The following CCDC92B variants were observed in gnomAD, a reference collection of about 807,000 sequenced individuals.
The protein encoded by CCDC92B is coiled-coil domain-containing 92B.
A neutral mutation model predicts 5.6 loss-of-function variants in CCDC92B; 2 were observed. The observed-to-expected ratio is 0.36, with a 90% CI of 0.15 to 1.12. The LOEUF is 1.12. CCDC92B is among the 50% of genes most tolerant of loss of function. The pLI, the probability that CCDC92B is intolerant of heterozygous loss-of-function variation, is 0.40. For missense variants in CCDC92B, 271 were observed against 262.2 expected (o/e 1.03, Z -0.23); for synonymous variants, 115 against 122.3 (o/e 0.94, Z 0.39).
chr17:2,725,203 G>A lies in CCDC92B; in HGVS notation c.179-203C>T, dbSNP rs1301251796. Among the ~76,000 whole-genome samples, 5 of 151,776 alleles carry A rather than the reference G, an allele frequency of 3.3e-5. No individual in the cohort carries two copies. The South Asian group carries it at 6.3e-4, about 19-fold the overall frequency. On this transcript the variant is annotated intron_variant, in intron 3 of 3. Transcript: ENST00000614400. ...AGCCTGGCCAACATGGTGAAACCCA[G>A]TCTCTACTAAAAATACAAAAATTAG...
In CCDC92B at chr17:2,724,590, C is replaced by G. The variant is rs2070701833; in HGVS notation, c.589G>C (p.Gly197Arg). 1 of 982,046 alleles carries G rather than the reference C, an allele frequency of 1.0e-6. No individual in the cohort carries two copies. The highest frequency in any genetic ancestry group is 1.8e-5 in the African/African-American group (1 of 56,906). 60.8% of individuals were successfully genotyped at this position (982,046 alleles called of 1,614,324 possible). A position where few individuals can be genotyped will look rare whatever the true frequency, so the allele number is the denominator to read the frequency against. Residue 197 changes from glycine to arginine, a missense_variant, in exon 4 of 4, where the codon GGG becomes CGG. Transcript: ENST00000614400. The surrounding 1 kb of genome is among the most constrained non-coding windows in gnomAD (Gnocchi z 5.0). ...TCGGCGTCGTCGAGGGCGCCGGCCC[C>G]GCGGTCCCAGGCGGCCCAGTCCCGG... ...PGRDWAAWDR[G>R]AGALDDADPM...
chr17:2,728,468 T>C (rs1338983357), intron 3 of CCDC92B, among the ~76,000 whole-genome samples: 1 of 151,796 alleles, frequency 6.6e-6, no homozygotes, highest in Admixed American at 6.6e-5. Context: ...GAGCCGGGCG[T>C]GGTGGCGGGC....
intron 2 of CCDC92B, 98 bp downstream of exon 2, chr17:2,734,918 G>A: frequency 1.1e-6 from 1 of 898,110 alleles, no homozygotes; most frequent in Non-Finnish European, 1.3e-6. Flanking sequence ...TGCAGTGTGA[G>A]GCTCACGGGG....
intron 3 of CCDC92B, 98 bp from the exon 4 acceptor site, chr17:2,725,098 C>T (rs757678399): frequency 2.9e-5 from 29 of 985,600 alleles, no homozygotes; most frequent in Non-Finnish European, 3.5e-5. Flanking sequence ...CCAGGCCGGG[C>T]GCGGGGCCTC....
At chr17:2,737,094 C>T (rs1318562975) in intron 1 of CCDC92B, among the ~76,000 whole-genome samples, 2 of 151,942 alleles carry the variant, frequency 1.3e-5, no homozygotes, top group Non-Finnish European at 2.9e-5. Context: ...CCGCCCCCTT[C>T]CCCATGACTC....
intron 1 of CCDC92B, among the ~76,000 whole-genome samples, chr17:2,735,684 G>T (rs142373045): frequency 3.3e-5 from 5 of 152,278 alleles, no homozygotes; most frequent in Admixed American, 3.3e-4. Flanking sequence ...ATCCGCCTTG[G>T]CCTCCCAGAG....
rs1286965939 is a variant in CCDC92B at position 2,728,129 on chromosome 17, C to A, written c.178+2317G>T. 2.0e-5 allele frequency among the ~76,000 whole-genome samples: 3 copies of A among 149,518 alleles called. No individual in the cohort carries two copies. The Admixed American group carries it at 2.0e-4, about 10-fold the overall frequency. ...TTGCTTAAGCTCAGGAGTTCAAAACCAGCCTGGGTGACATGGCGAAACCCC... is the reference window on the plus strand; with the variant it reads ...TTGCTTAAGCTCAGGAGTTCAAAACAAGCCTGGGTGACATGGCGAAACCCC... On this transcript the variant is annotated intron_variant, in intron 3 of 3. Coordinates refer to ENST00000614400, the MANE Select transcript of CCDC92B (RefSeq NM_001355573.2).
chr17:2,727,526 T>C (rs1001373713), intron 3 of CCDC92B, among the ~76,000 whole-genome samples: 3 of 151,982 alleles, frequency 2.0e-5, no homozygotes, highest in Admixed American at 6.6e-5. Context: ...AATCACCAAG[T>C]GATAAGAGGA....
At chr17:2,735,785 A>C (rs1192261034) in intron 1 of CCDC92B, among the ~76,000 whole-genome samples, 1 of 152,118 alleles carries the variant, frequency 6.6e-6, no homozygotes. Context: ...TGGAGTGGCA[A>C]AGTCAGTAGA....
At chr17:2,736,618 C>T (rs1044120758) in intron 1 of CCDC92B, among the ~76,000 whole-genome samples, 4 of 151,608 alleles carry the variant, frequency 2.6e-5, no homozygotes, top group East Asian at 1.9e-4. Context: ...CGGTGGTTCA[C>T]GCCTGTAATC....
intron 3 of CCDC92B, among the ~76,000 whole-genome samples, chr17:2,726,537 G>C (rs2070733141): frequency 1.3e-5 from 2 of 151,310 alleles, no homozygotes; most frequent in Admixed American, 1.3e-4. Flanking sequence ...GAATGGTCTT[G>C]AACTCCTGAC....
intron 1 of CCDC92B, among the ~76,000 whole-genome samples, chr17:2,749,085 G>C (rs1035196554): frequency 2.0e-5 from 3 of 152,348 alleles, no homozygotes; most frequent in South Asian, 4.1e-4. Flanking sequence ...GGGTTGGGGG[G>C]GGGATGTGGA....
intron 1 of CCDC92B, among the ~76,000 whole-genome samples, chr17:2,738,669 G>C (rs1021226610): frequency 6.6e-6 from 1 of 151,482 alleles, no homozygotes; most frequent in Non-Finnish European, 1.5e-5. Context: ...GCCGAGGCAG[G>C]AGAATGGCTG....
At chr17:2,741,338 G>A (rs1027444158) in intron 1 of CCDC92B, among the ~76,000 whole-genome samples, 1 of 152,052 alleles carries the variant, frequency 6.6e-6, no homozygotes, top group Non-Finnish European at 1.5e-5. Context: ...TCGCAGGAAG[G>A]AAGGTTAGCA....
chr17:2,742,224 C>T (rs1309920136), intron 1 of CCDC92B, among the ~76,000 whole-genome samples: 1 of 151,868 alleles, frequency 6.6e-6, no homozygotes, highest in African/African-American at 2.4e-5. Context: ...GGCTCGTGCC[C>T]CCGTGCCCGG....
At chr17:2,730,869 C>G (rs2070786797) in intron 2 of CCDC92B, among the ~76,000 whole-genome samples, 1 of 152,150 alleles carries the variant, frequency 6.6e-6, no homozygotes, top group African/African-American at 2.4e-5. Context: ...CAAAGCAGTT[C>G]TGGAGGACCC....
intron 1 of CCDC92B, among the ~76,000 whole-genome samples, chr17:2,735,760 A>G (rs898000098): frequency 6.6e-6 from 1 of 152,106 alleles, no homozygotes; most frequent in Non-Finnish European, 1.5e-5. Flanking sequence ...TCTACTTCTC[A>G]AACAGGAAAA....
intron 1 of CCDC92B, among the ~76,000 whole-genome samples, chr17:2,739,739 A>G (rs2070906549): frequency 6.6e-6 from 1 of 152,092 alleles, no homozygotes; most frequent in Non-Finnish European, 1.5e-5. Context: ...AAAGAAATGT[A>G]AAGTGCTTAG....
At chr17:2,738,758 C>CAA (rs533157087) in intron 1 of CCDC92B, among the ~76,000 whole-genome samples, 3 of 89,786 alleles carry the variant, frequency 3.3e-5, no homozygotes, top group African/African-American at 4.3e-5. Flanking sequence ...AGACTCGTCT[C>CAA]AAAAAAAAAA....
Sources: gnomAD v4.1 joint callset for allele counts (sites outside exome capture counted in the v4.1 genomes callset) on GRCh38, gnomAD v4.1.1 for gene constraint, Gnocchi (gnomAD v3.1) non-coding constraint, MANE v1.5 for transcripts, NCBI Gene and HGNC (gene_info 2026-07-23, HGNC 2026-07-21) for gene names.